FDXR: variants seen among roughly 807,000 people sequenced by gnomAD.
The protein encoded by FDXR is NADPH:adrenodoxin oxidoreductase, mitochondrial.
In FDXR, 38 loss-of-function variants were observed where a neutral mutation model predicts 58.3. That is an observed-to-expected ratio of 0.65 (90% CI 0.50 to 0.85). The LOEUF (loss-of-function observed/expected upper bound fraction) is 0.85. FDXR is among the 40% of genes least tolerant of loss of function. The pLI is 0.00. For synonymous variants in FDXR, 275 were observed against 273.8 expected (o/e 1.00, Z -0.04); for missense variants, 624 against 671.0 (o/e 0.93, Z 0.77).
chr17:74,863,828 C>T (rs2038061123), intron 10 of FDXR, 68 bp downstream of exon 10: 14 of 1,552,050 alleles, frequency 9.0e-6, no homozygotes, highest in African/African-American at 1.4e-5. Context: ...GAACGCATGG[C>T]CCCAGGAGAT....
At position 74,864,278 on chromosome 17, in the gene FDXR, G is replaced by C. The variant is rs201450571; in HGVS notation, c.872C>G (p.Ala291Gly). 2 of 1,596,078 alleles carry C rather than the reference G, an allele frequency of 1.3e-6. No individual in the cohort carries two copies. Among genetic ancestry groups the C allele is most frequent in the Non-Finnish European group, 1.7e-6 (2 of 1,168,022 alleles). The stretch of plus-strand genomic sequence containing the variant: ...GGCCGATGCCTGGCGGGCAGCTTCC[G>C]CCGGCCCTGGCTTCTCTGTGGCCGT... ...LRTATEKPGP[A>G]EAARQASASR... Residue 291 changes from alanine (A) to glycine (G), a missense_variant, in exon 9 of 12, where the codon GCG (alanine) becomes GGG (glycine). Coordinates refer to ENST00000293195, the MANE Select transcript of FDXR (RefSeq NM_024417.5).
chr17:74,870,732 C>A (rs896875671), intron 2 of FDXR, among the ~76,000 whole-genome samples: 1 of 151,722 alleles, frequency 6.6e-6, no homozygotes, highest in African/African-American at 2.4e-5. Context: ...GATGACTCCC[C>A]ACATGTGGGA....
intron 1 of FDXR, chr17:74,872,592 C>G: frequency 1.4e-6 from 1 of 704,934 alleles, no homozygotes. Flanking sequence ...CCCCACAGAC[C>G]TCCGTATCAT....
At chr17:74,866,293 T>C (rs2038180614) in intron 4 of FDXR, 49 bp from the exon 5 acceptor site, 2 of 1,583,778 alleles carry the variant, frequency 1.3e-6, no homozygotes, top group Admixed American at 3.4e-5. Context: ...GCACCAGCAC[T>C]GATAGGCCGG....
intron 2 of FDXR, chr17:74,868,688 TTCC>T: frequency 1.3e-6 from 2 of 1,532,242 alleles, no homozygotes; most frequent in Non-Finnish European, 8.7e-7. Flanking sequence ...TCTTCCAGGT[TTCC>T]TCCTTCCTTC....
Position 74,862,784 on chromosome 17 carries a change from C to T in FDXR, c.*33G>A. ...GCCCTTCCCCTCCCAACACTCATCC[C>T]TTCCCTGCTGGGGGCCGGGGCTGGG... On this transcript the variant is annotated 3_prime_UTR_variant, in exon 12 of 12. Coordinates refer to ENST00000293195, the MANE Select transcript of FDXR (RefSeq NM_024417.5). 1 of 1,591,018 alleles carries T rather than the reference C, an allele frequency of 6.3e-7. No individual in the cohort carries two copies. The highest frequency in any genetic ancestry group is 8.5e-7 in the Non-Finnish European group (1 of 1,172,452).
rs751576831 is a variant in FDXR at position 74,864,492 on chromosome 17, C to A, written c.790G>T (p.Asp264Tyr). 17 of 1,613,952 alleles carry A rather than the reference C, an allele frequency of 1.1e-5. No homozygotes were observed. In the Admixed American group the frequency reaches 2.0e-4, roughly 19 times the overall value. ...CAGGGCCCCTCACCCTTGATCTTGT[C>A]CTGGAGACCCAAGAAATCCACAGGA... ...LDPVDFLGLQDKIKEVPRPRK... is the reference protein window; with the variant it reads ...LDPVDFLGLQYKIKEVPRPRK... Residue 264 changes from aspartate to tyrosine, a missense_variant, in exon 8 of 12, where the codon GAC becomes TAC. Asp to Tyr is a radical substitution (Grantham distance 160). Transcript: ENST00000293195.
intron 5 of FDXR, 133 bp from the exon 6 acceptor site, chr17:74,865,953 C>T: frequency 1.2e-6 from 1 of 865,250 alleles, no homozygotes; most frequent in Non-Finnish European, 1.8e-6. Context: ...CAACTCTGGT[C>T]CCTCCTCCCC....
intron 7 of FDXR, 25 bp from the exon 8 acceptor site, chr17:74,864,589 G>A: frequency 1.2e-6 from 2 of 1,604,482 alleles, no homozygotes; most frequent in Non-Finnish European, 1.7e-6. Context: ...CAGGGAATGG[G>A]GGAGGAGGTC....
intron 1 of FDXR, 24 bp downstream of exon 1, chr17:74,872,842 G>T (rs1253211914): frequency 6.5e-7 from 1 of 1,544,986 alleles, no homozygotes; most frequent in Non-Finnish European, 8.7e-7. Context: ...CTCCCATCCA[G>T]CCCCAAAGGC....
At chr17:74,863,388 C>T (rs1567907909) in intron 10 of FDXR, 142 bp from the exon 11 acceptor site, 4 of 779,732 alleles carry the variant, frequency 5.1e-6, no homozygotes, top group South Asian at 1.7e-5. Context: ...CTGCTGTGGC[C>T]GCTGGTCCAC....
At chr17:74,871,913 C>A in intron 2 of FDXR, 123 bp downstream of exon 2, 1 of 666,904 alleles carries the variant, frequency 1.5e-6, no homozygotes, top group Non-Finnish European at 2.5e-6. Context: ...GTGTCCAGGC[C>A]AGATGGCTGG....
In FDXR at chr17:74,872,955, A is replaced by G. The variant is rs1308772731; in HGVS notation, c.-11T>C. On this transcript the variant is annotated 5_prime_UTR_variant, in exon 1 of 12. Transcript: ENST00000293195. ...GCAGCGCGAAGCCATGGCTGGGAGC[A>G]GCAACCTGCAAGTGGATCTGTTCCT... 1.9e-6 allele frequency: 3 copies of G among 1,550,628 alleles called. No individual in the cohort carries two copies. Among genetic ancestry groups the G allele is most frequent in the Non-Finnish European group, 1.7e-6 (2 of 1,147,490 alleles).
intron 7 of FDXR, 128 bp from the exon 8 acceptor site, chr17:74,864,692 C>G: frequency 6.9e-7 from 1 of 1,456,234 alleles, no homozygotes; most frequent in Non-Finnish European, 9.5e-7. Context: ...CACAGGGCCC[C>G]CGGGGCCCTG....
chr17:74,867,042 C>G (rs933867378), intron 2 of FDXR, 166 bp from the exon 3 acceptor site: 15 of 1,434,058 alleles, frequency 1.0e-5, no homozygotes, highest in Non-Finnish European at 1.4e-5. Flanking sequence ...TTGGGTGGCT[C>G]GCGCCTGTCA....
chr17:74,865,684 A>G, intron 6 of FDXR, 35 bp downstream of exon 6: 1 of 1,480,092 alleles, frequency 6.8e-7, no homozygotes, highest in Non-Finnish European at 9.3e-7. Context: ...GGGTGACCCC[A>G]CCTCCAACCC....
At chr17:74,866,071 TGGCATCCAAG>T in intron 5 of FDXR, 50 bp downstream of exon 5, 14 of 1,286,506 alleles carry the variant, frequency 1.1e-5, no homozygotes, top group Non-Finnish European at 1.6e-5. Context: ...CCCCCAGGTC[TGGCATCCAAG>T]GGCTGAGGGG....
At chr17:74,864,628 AC>A in intron 7 of FDXR, 64 bp from the exon 8 acceptor site, 1 of 1,510,694 alleles carries the variant, frequency 6.6e-7, no homozygotes, top group Non-Finnish European at 9.1e-7. Context: ...ACCTGAGCCC[AC>A]CCCAGGGTCC....
In FDXR at chr17:74,862,806, T is replaced by C. The variant is rs534647083; in HGVS notation, c.*11A>G. The C allele has an allele frequency of 6.9e-6, 11 of 1,604,240 alleles. No individual in the cohort carries two copies. The highest frequency in any genetic ancestry group is 1.8e-4 in the Middle Eastern group (1 of 5,454). The stretch of plus-strand genomic sequence containing the variant: ...TCCCTTCCCTGCTGGGGGCCGGGGC[T>C]GGGGCTGGGCTCAGTGGCCCAGGAG... On this transcript the variant is annotated 3_prime_UTR_variant, in exon 12 of 12. Coordinates refer to ENST00000293195, the MANE Select transcript of FDXR (RefSeq NM_024417.5).
Sources: gnomAD v4.1 joint callset for allele counts (sites outside exome capture counted in the v4.1 genomes callset) on GRCh38, gnomAD v4.1.1 for gene constraint, MANE v1.5 for transcripts, NCBI Gene and HGNC (gene_info 2026-07-23, HGNC 2026-07-21) for gene names.